ANLN: variants seen among roughly 807,000 people sequenced by gnomAD.
ANLN encodes the protein anillin.
ANLN carries 59 observed loss-of-function variants against 135.1 expected under a neutral mutation model. That is an observed-to-expected ratio of 0.44 (90% CI 0.35 to 0.54). The LOEUF (loss-of-function observed/expected upper bound fraction) is 0.54. Ranked by LOEUF, ANLN falls within the 20% of genes least tolerant of loss-of-function variation. The pLI, the probability that ANLN is intolerant of heterozygous loss-of-function variation, is 0.00. For missense variants in ANLN, 1,182 were observed against 1,340.0 expected (o/e 0.88, Z 1.84); for synonymous variants, 406 against 456.4 (o/e 0.89, Z 1.41).
rs765537134 is a variant in ANLN, at chr7:36,396,327, C to T, written c.80C>T (p.Pro27Leu). The T allele has an allele frequency of 4.4e-6, 7 of 1,608,430 alleles. 1 individual carries two copies. The South Asian group carries it at 5.5e-5, about 13-fold the overall frequency. ...CTTCAGAGAAAAATGGCTGAGAGGCCCACAGCAGCTCCAAGGTCTATGACT... is the reference window on the plus strand; with the variant it reads ...CTTCAGAGAAAAATGGCTGAGAGGCTCACAGCAGCTCCAAGGTCTATGACT... ...ENLQRKMAER[P>L]TAAPRSMTHA... Residue 27 changes from proline (P) to leucine (L), a missense_variant, in exon 2 of 24, where the codon CCC becomes CTC. This residue lies in a region of ANLN where 1,022 missense variants were observed against 1,134.0 expected (regional missense o/e 0.90). Transcript: ENST00000265748.
At chr7:36,395,834 A>G (rs1344469057) in intron 1 of ANLN, among the ~76,000 whole-genome samples, 1 of 152,022 alleles carries the variant, frequency 6.6e-6, no homozygotes, top group Non-Finnish European at 1.5e-5. Context: ...CTCCTCTAGT[A>G]GACTTAACCT....
At chr7:36,423,088 G>C (rs1787945898) in intron 14 of ANLN, among the ~76,000 whole-genome samples, 1 of 152,036 alleles carries the variant, frequency 6.6e-6, no homozygotes, top group African/African-American at 2.4e-5. Flanking sequence ...AATTTTATTT[G>C]TGTGGAACAC....
chr7:36,421,856 G>A lies in ANLN; in HGVS notation c.2164-1G>A. 1 of 1,597,998 alleles carries A rather than the reference G, an allele frequency of 6.3e-7. No homozygotes were observed. Among genetic ancestry groups the A allele is most frequent in the Non-Finnish European group, 8.5e-7 (1 of 1,174,056 alleles). On this transcript the variant is annotated splice_acceptor_variant, in intron 12 of 23. Transcript: ENST00000265748. LOFTEE classifies it high-confidence loss of function. Reference sequence around the variant, plus strand: ...TTTTCTCCTCTCATTGGTTTTCCTAGGAACTCAATAACGAAATAAATATGC... The same window carrying A: ...TTTTCTCCTCTCATTGGTTTTCCTAAGAACTCAATAACGAAATAAATATGC...
At position 36,449,769 on chromosome 7, in the gene ANLN, C is replaced by A. The variant is rs771617702; in HGVS notation, c.3183C>A (p.Val1061=). ...GCAACACTTTTGAATTAATTACTGT[C>A]CGACCACAAAGAGAAGATGACCGAG... The part of the protein sequence containing the change: ...ARRNTFELIT[V]RPQREDDRET... Residue 1061 remains valine, a synonymous_variant, in exon 23 of 24, where the codon GTC becomes GTA. Transcript: ENST00000265748. The A allele has an allele frequency of 6.2e-7, 1 of 1,613,960 alleles. No individual in the cohort carries two copies. The highest frequency in any genetic ancestry group is 8.5e-7 in the Non-Finnish European group (1 of 1,179,930).
rs530740238 is a variant in ANLN, at chr7:36,453,557, C to T, written c.*957C>T. ...TATTAAGTCACCTATCACCTTTAAA[C>T]GCCTTTTTTTAAAATTATAAAATAT... On this transcript the variant is annotated 3_prime_UTR_variant, in exon 24 of 24. Transcript: ENST00000265748. 35 of 152,224 alleles carry T rather than the reference C, an allele frequency of 2.3e-4. No homozygotes were observed. The highest frequency in any genetic ancestry group is 6.7e-4 in the African/African-American group (28 of 41,558). 9.4% of individuals were successfully genotyped at this position (152,224 alleles called of 1,614,324 possible). A position where few individuals can be genotyped will look rare whatever the true frequency, so the allele number is the denominator to read the frequency against.
chr7:36,390,365 AGGCC>A (rs1254074116), intron 1 of ANLN: 2 of 402,800 alleles, frequency 5.0e-6, no homozygotes, highest in Non-Finnish European at 9.1e-6. Context: ...AGTGAGGCGC[AGGCC>A]TGCGGAACGG....
chr7:36,427,176 A>T, intron 20 of ANLN, 148 bp downstream of exon 20: 2 of 463,548 alleles, frequency 4.3e-6, no homozygotes, highest in Non-Finnish European at 7.7e-6. Flanking sequence ...GCTAGGTATG[A>T]GTGTACCTAA....
chr7:36,428,177 A>T, intron 20 of ANLN: 1 of 304,626 alleles, frequency 3.3e-6, no homozygotes, highest in Non-Finnish European at 6.2e-6. Context: ...GATTACTATT[A>T]ATGCATGAAT....
At chr7:36,426,121 G>T in intron 19 of ANLN, 85 bp downstream of exon 19, 1 of 977,594 alleles carries the variant, frequency 1.0e-6, no homozygotes, top group Non-Finnish European at 1.5e-6. Flanking sequence ...AGGCCATCTT[G>T]ATTTGTGAAT....
chr7:36,398,561 CTTAACACTAT>C (rs1786803113), intron 2 of ANLN, among the ~76,000 whole-genome samples: 1 of 152,090 alleles, frequency 6.6e-6, no homozygotes, highest in African/African-American at 2.4e-5. Flanking sequence ...TTACTATTGT[CTTAACACTAT>C]ATAAAGTGTT....
At position 36,406,367 on chromosome 7, in the gene ANLN, G is replaced by A; in HGVS notation, c.674G>A (p.Ser225Asn). 3 of 1,614,124 alleles carry A rather than the reference G, an allele frequency of 1.9e-6. No homozygotes were observed. The South Asian group carries it at 3.3e-5, about 18-fold the overall frequency. ...AATCACTCATTTGCAAAACAAAACAGTGTACAAGAACAGCCTGGTACCGCT... is the reference window on the plus strand; with the variant it reads ...AATCACTCATTTGCAAAACAAAACAATGTACAAGAACAGCCTGGTACCGCT... The part of the protein sequence containing the change: ...DVNHSFAKQN[S>N]VQEQPGTACL... Residue 225 changes from serine (S) to asparagine (N), a missense_variant, in exon 4 of 24, where the codon AGT becomes AAT. Ser to Asn is a conservative substitution (Grantham distance 46). Transcript: ENST00000265748.
chr7:36,436,194 T>C (rs567308316), intron 20 of ANLN, among the ~76,000 whole-genome samples: 1 of 152,354 alleles, frequency 6.6e-6, no homozygotes, highest in East Asian at 1.9e-4. Context: ...GTATATTTCA[T>C]ATAAATGGGA....
intron 23 of ANLN, among the ~76,000 whole-genome samples, chr7:36,451,008 C>T (rs1789220962): frequency 6.6e-6 from 1 of 152,214 alleles, no homozygotes; most frequent in Non-Finnish European, 1.5e-5. Flanking sequence ...GTCTTTCTCA[C>T]TATAAAATTA....
At chr7:36,431,824 C>T (rs1451560055) in intron 20 of ANLN, among the ~76,000 whole-genome samples, 1 of 151,728 alleles carries the variant, frequency 6.6e-6, no homozygotes, top group African/African-American at 2.4e-5. Flanking sequence ...CCTATCCCTT[C>T]TGCCTTAAAT....
intron 3 of ANLN, among the ~76,000 whole-genome samples, chr7:36,401,390 G>C (rs888552689): frequency 3.9e-5 from 6 of 152,182 alleles, no homozygotes; most frequent in Non-Finnish European, 1.5e-5. Context: ...CCAGGCTGGA[G>C]TGCAGTGGCG....
At chr7:36,397,937 G>A (rs1232995355) in intron 2 of ANLN, among the ~76,000 whole-genome samples, 1 of 151,976 alleles carries the variant, frequency 6.6e-6, no homozygotes, top group African/African-American at 2.4e-5. Context: ...AGACATAAAA[G>A]TGGAGTGGGG....
At chr7:36,424,836 G>A (rs765659176) in intron 17 of ANLN, 94 bp downstream of exon 17, 21 of 1,266,192 alleles carry the variant, frequency 1.7e-5, no homozygotes, top group Non-Finnish European at 2.3e-5. Context: ...TTAATGATTA[G>A]GAAGTTTTTG....
chr7:36,449,969 C>A, intron 23 of ANLN, 132 bp downstream of exon 23: 1 of 733,322 alleles, frequency 1.4e-6, no homozygotes, highest in South Asian at 2.6e-5. Context: ...AAACAAAACA[C>A]ACACAAAGCA....
intron 21 of ANLN, among the ~76,000 whole-genome samples, chr7:36,442,662 C>A (rs1360367014): frequency 6.6e-6 from 1 of 151,842 alleles, no homozygotes; most frequent in African/African-American, 2.4e-5. Flanking sequence ...GACGGAGTCT[C>A]ACTCTGTCAC....
Sources: allele counts gnomAD v4.1 joint callset (sites outside exome capture counted in the v4.1 genomes callset), GRCh38; gene constraint gnomAD v4.1.1; regional missense constraint gnomAD v4.1.1; transcripts MANE v1.5; gene names NCBI Gene and HGNC (gene_info 2026-07-23, HGNC 2026-07-21).